Variants in PROCR observed in about 807,000 individuals in gnomAD.
The protein encoded by PROCR is endothelial protein C receptor.
PROCR carries 22 observed loss-of-function variants against 24.2 expected under a neutral mutation model. The observed-to-expected ratio is 0.91, with a 90% CI of 0.65 to 1.30. The LOEUF (loss-of-function observed/expected upper bound fraction) is 1.30. Ranked by LOEUF, PROCR falls within the 50% of genes most tolerant of loss-of-function variation. The pLI, the probability that PROCR is intolerant of heterozygous loss-of-function variation, is 0.00. For synonymous variants in PROCR, 137 were observed against 139.2 expected (o/e 0.98, Z 0.11); for missense variants, 288 against 307.7 (o/e 0.94, Z 0.48).
chr20:35,208,815 T>C (rs2060351409), intron 1 of PROCR, among the ~76,000 whole-genome samples: 1 of 151,822 alleles, frequency 6.6e-6, no homozygotes, highest in Non-Finnish European at 1.5e-5. Context: ...CCTCTAAAAA[T>C]ACTAAAATTA....
downstream of PROCR, among the ~76,000 whole-genome samples, chr20:35,178,726 G>A (rs1217479974): frequency 2.1e-4 from 29 of 140,838 alleles, no homozygotes; most frequent in African/African-American, 6.6e-4. Flanking sequence ...CATTTTAGCC[G>A]GGATGGTCTC....
chr20:35,214,046 G>C (rs976004496), intron 1 of PROCR, among the ~76,000 whole-genome samples: 1 of 151,982 alleles, frequency 6.6e-6, no homozygotes, highest in Non-Finnish European at 1.5e-5. Context: ...CTGCACTCCA[G>C]CCTGGGTAAC....
At chr20:35,174,975 G>A (rs1274021748) in intron 2 of PROCR, 22 bp downstream of exon 2, 4 of 1,478,690 alleles carry the variant, frequency 2.7e-6, no homozygotes, top group Middle Eastern at 2.4e-4. Flanking sequence ...CGCAGCGGGG[G>A]CGGGGTCTGG....
At position 35,203,479 on chromosome 20, in the gene PROCR, T is replaced by A. The variant is rs555898094; in HGVS notation, c.95-12414T>A. On this transcript the variant is annotated intron_variant, in intron 1 of 1. Coordinates refer to the PROCR transcript ENST00000634509. ...TTCTTTTTAGACGAACTCTTGGGCG[T>A]GATAGTGCGCGCCTGTAATCTCAGC... 3.9e-5 allele frequency among the ~76,000 whole-genome samples: 6 copies of A among 152,068 alleles called. No homozygotes were observed. The East Asian group carries it at 1.2e-3, about 29-fold the overall frequency.
At position 35,176,980 on chromosome 20, in the gene PROCR, G is replaced by A. The variant is rs62211486; in HGVS notation, c.*167G>A. On this transcript the variant is annotated 3_prime_UTR_variant, in exon 4 of 4. Transcript: ENST00000216968. ...CTGAAGATTTGAGGGAGGGGAGATG[G>A]AGAGGAGAGGTGGACAAAGTACTTG... The A allele has an allele frequency of 2.2e-4, 331 of 1,480,752 alleles. No homozygotes were observed. The highest frequency in any genetic ancestry group is 4.7e-4 in the Middle Eastern group (2 of 4,212). The allele number at this position is 1,480,752 out of a possible 1,614,324, so 91.7% of individuals were successfully genotyped here.
intron 1 of PROCR, among the ~76,000 whole-genome samples, chr20:35,208,932 A>C (rs1222441418): frequency 6.6e-6 from 1 of 152,206 alleles, no homozygotes; most frequent in Non-Finnish European, 1.5e-5. Context: ...AGATCACACC[A>C]CTGCACTCCA....
intron 1 of PROCR, among the ~76,000 whole-genome samples, chr20:35,187,212 G>A (rs1475203521): frequency 7.8e-6 from 1 of 128,962 alleles, no homozygotes; most frequent in South Asian, 2.8e-4. Context: ...CTCCAAGCCT[G>A]CCTAAATTTG....
intron 1 of PROCR, among the ~76,000 whole-genome samples, chr20:35,207,751 A>G (rs950475630): frequency 6.6e-6 from 1 of 151,990 alleles, no homozygotes. Flanking sequence ...GCTGGTCTCG[A>G]ACTCCTGACC....
In PROCR at chr20:35,172,237, C is replaced by T; in HGVS notation, c.70+13C>T. ...GACGCCTCAGATGGTGAGTCGGGGG[C>T]ACATCTCCTGCCTCAGGATGGTTCT... On this transcript the variant is annotated intron_variant, in intron 1 of 3. Coordinates refer to ENST00000216968, the MANE Select transcript of PROCR (RefSeq NM_006404.5). The T allele has an allele frequency of 6.2e-7, 1 of 1,613,712 alleles. No homozygotes were observed. Among genetic ancestry groups the T allele is most frequent in the African/African-American group, 1.3e-5 (1 of 75,042 alleles).
chr20:35,205,443 G>A (rs933807398), intron 1 of PROCR, among the ~76,000 whole-genome samples: 7 of 135,554 alleles, frequency 5.2e-5, no homozygotes, highest in East Asian at 2.4e-4. Context: ...AGGAAACTTC[G>A]TTAATCCAAA....
At chr20:35,188,745 A>G (rs952230035) in intron 1 of PROCR, among the ~76,000 whole-genome samples, 1 of 152,252 alleles carries the variant, frequency 6.6e-6, no homozygotes, top group South Asian at 2.1e-4. Flanking sequence ...TGCCATGCTA[A>G]GAAGTTATAC....
At chr20:35,195,042 TTAAAG>T (rs1383984123) in intron 1 of PROCR, among the ~76,000 whole-genome samples, 1 of 152,104 alleles carries the variant, frequency 6.6e-6, no homozygotes, top group African/African-American at 2.4e-5. Flanking sequence ...GACAAAAACT[TTAAAG>T]TAGCTATTAT....
At chr20:35,194,523 C>T (rs1478566765) in intron 1 of PROCR, among the ~76,000 whole-genome samples, 1 of 152,066 alleles carries the variant, frequency 6.6e-6, no homozygotes, top group East Asian at 1.9e-4. Flanking sequence ...AATGGAGAGA[C>T]CAACTTAGCT....
At chr20:35,198,119 CTA>C (rs1491143818) in intron 1 of PROCR, among the ~76,000 whole-genome samples, 4 of 101,246 alleles carry the variant, frequency 4.0e-5, no homozygotes, top group Non-Finnish European at 9.2e-5. Flanking sequence ...CCCATCTCTA[CTA>C]AAAAAAAAAA....
At chr20:35,209,202 G>A (rs62211490) in intron 1 of PROCR, among the ~76,000 whole-genome samples, 36 of 152,166 alleles carry the variant, frequency 2.4e-4, no homozygotes, top group Admixed American at 2.6e-4. Flanking sequence ...ACATGAAGTA[G>A]AATTCATAGG....
intron 1 of PROCR, 63 bp from the exon 2 acceptor site, chr20:35,174,639 T>A: frequency 6.2e-7 from 1 of 1,606,626 alleles, no homozygotes. Context: ...AGGGGGTTAT[T>A]ATCTTCCGCT....
At chr20:35,188,161 CT>C (rs2086143703) in intron 1 of PROCR, among the ~76,000 whole-genome samples, 1 of 152,142 alleles carries the variant, frequency 6.6e-6, no homozygotes, top group South Asian at 2.1e-4. Context: ...GGACCGCATT[CT>C]TTTTCCAACT....
chr20:35,207,346 T>C (rs1305732291), intron 1 of PROCR, among the ~76,000 whole-genome samples: 1 of 151,602 alleles, frequency 6.6e-6, no homozygotes, highest in African/African-American at 2.4e-5. Flanking sequence ...TGAATGTAAA[T>C]TACAATTAAA....
chr20:35,205,838 CATATATACATGTATACATATACATATGT>C (rs1446218790), intron 1 of PROCR, among the ~76,000 whole-genome samples: 1 of 127,112 alleles, frequency 7.9e-6, no homozygotes, highest in Admixed American at 7.9e-5. Context: ...TCTACATATA[CATATATACATGTATACATATACATATGT>C]ATACATGTAT....
Sources: gnomAD v4.1 joint callset for allele counts (sites outside exome capture counted in the v4.1 genomes callset) on GRCh38, gnomAD v4.1.1 for gene constraint, MANE v1.5 for transcripts, NCBI Gene and HGNC (gene_info 2026-07-23, HGNC 2026-07-21) for gene names.